ZNF782: variants seen among roughly 807,000 people sequenced by gnomAD.
The protein encoded by ZNF782 is zinc finger protein 782.
ZNF782 carries 12 observed loss-of-function variants against 13.0 expected under a neutral mutation model. The observed-to-expected ratio is 0.92, with a 90% confidence interval of 0.59 to 1.50. The LOEUF (loss-of-function observed/expected upper bound fraction) is 1.50. Among genes scored for constraint, ZNF782 ranks in the 40% most tolerant of loss-of-function variants. The pLI is 0.00. For missense variants in ZNF782, 770 were observed against 822.9 expected (o/e 0.94, Z 0.79); for synonymous variants, 284 against 283.0 (o/e 1.00, Z -0.04).
chr9:96,856,905 C>T (rs556454861), upstream of ZNF782, among the ~76,000 whole-genome samples: 3 of 152,178 alleles, frequency 2.0e-5, no homozygotes, highest in Non-Finnish European at 2.9e-5. Flanking sequence ...TCTTTATACA[C>T]GTGCATTCCT....
chr9:96,896,001 C>T, the ZNF782 span: 87 of 152,300 alleles, frequency 5.7e-4, no homozygotes, highest in Middle Eastern at 3.4e-3. Context: ...AGAGGTGGTA[C>T]TTTTTATCAC....
the ZNF782 span, among the ~76,000 whole-genome samples, chr9:96,917,928 GTAGATGGGGGTC>G: frequency 2.0e-5 from 3 of 149,782 alleles, no homozygotes; most frequent in Admixed American, 6.7e-5. Context: ...GTGTGTGTGT[GTAGATGGGGGTC>G]TGTGTTGCCC....
chr9:96,921,750 G>A, the ZNF782 span, among the ~76,000 whole-genome samples: 2 of 148,604 alleles, frequency 1.3e-5, no homozygotes, highest in Non-Finnish European at 3.0e-5. Context: ...TTGGAGTGCA[G>A]TGGCACAATC....
chr9:96,824,172 C>T (rs1192419663), intron 5 of ZNF782, among the ~76,000 whole-genome samples: 22 of 149,768 alleles, frequency 1.5e-4, no homozygotes, highest in South Asian at 6.5e-4. Context: ...ACTGGCAAAC[C>T]GAATCCAGCA....
the ZNF782 span, among the ~76,000 whole-genome samples, chr9:96,917,729 C>T: frequency 3.3e-5 from 5 of 151,586 alleles, no homozygotes; most frequent in Admixed American, 2.0e-4. Context: ...CGTGCCCGAC[C>T]AGAAATTTTT....
At chr9:96,927,566 C>T in the ZNF782 span, among the ~76,000 whole-genome samples, 4 of 152,156 alleles carry the variant, frequency 2.6e-5, no homozygotes, top group Non-Finnish European at 5.9e-5. Flanking sequence ...AGTTTGCACT[C>T]TCACAGTGGA....
At chr9:96,906,080 G>A in the ZNF782 span, among the ~76,000 whole-genome samples, 1 of 152,242 alleles carries the variant, frequency 6.6e-6, no homozygotes, top group African/African-American at 2.4e-5. Flanking sequence ...TAGCCACTAA[G>A]GTAAACAGTA....
chr9:96,925,400 G>T, the ZNF782 span, among the ~76,000 whole-genome samples: 6 of 152,152 alleles, frequency 3.9e-5, no homozygotes, highest in Non-Finnish European at 5.9e-5. Context: ...CACTTTTGGA[G>T]GCCGAGGCGG....
chr9:96,867,303 G>T (rs773439071), intron 1 of ZNF782, among the ~76,000 whole-genome samples: 3 of 152,132 alleles, frequency 2.0e-5, no homozygotes, highest in Non-Finnish European at 4.4e-5. Flanking sequence ...AGATCTGACA[G>T]TATTATAAGG....
chr9:96,919,888 T>C, the ZNF782 span, among the ~76,000 whole-genome samples: 15 of 151,590 alleles, frequency 9.9e-5, no homozygotes, highest in African/African-American at 3.6e-4. Context: ...AGTGAAACCA[T>C]TCAAGTTTAG....
exon 1 of ZNF782, chr9:96,875,474 T>G (rs749326987): frequency 6.6e-6 from 3 of 456,704 alleles, no homozygotes; most frequent in East Asian, 7.0e-5. Context: ...TTACAGGTAA[T>G]AAAGCTGGAA....
At chr9:96,874,455 C>T (rs1851868156) in intron 1 of ZNF782, among the ~76,000 whole-genome samples, 1 of 152,162 alleles carries the variant, frequency 6.6e-6, no homozygotes, top group African/African-American at 2.4e-5. Flanking sequence ...GATTTCCACC[C>T]TCTGCCTGCT....
chr9:96,820,004 G>A (rs1268422601), intron 5 of ZNF782, among the ~76,000 whole-genome samples: 1 of 151,716 alleles, frequency 6.6e-6, no homozygotes, highest in African/African-American at 2.4e-5. Context: ...ATACATATTT[G>A]GCATCTTAAA....
At chr9:96,874,374 G>A (rs1851867083) in intron 1 of ZNF782, among the ~76,000 whole-genome samples, 1 of 152,174 alleles carries the variant, frequency 6.6e-6, no homozygotes, top group Non-Finnish European at 1.5e-5. Flanking sequence ...AGTGTCACGT[G>A]GTTATGGACA....
At chr9:96,899,234 G>A in the ZNF782 span, among the ~76,000 whole-genome samples, 18 of 151,512 alleles carry the variant, frequency 1.2e-4, no homozygotes, top group Admixed American at 1.2e-3. Flanking sequence ...CTAGGTGACA[G>A]AGTGAGACTC....
intron 1 of ZNF782, among the ~76,000 whole-genome samples, chr9:96,862,057 CA>C (rs2118862364): frequency 6.6e-6 from 1 of 152,294 alleles, no homozygotes; most frequent in South Asian, 2.1e-4. Flanking sequence ...TACATATACA[CA>C]ATGGAGTACT....
chr9:96,932,652 ATT>A, the ZNF782 span, among the ~76,000 whole-genome samples: 37 of 129,966 alleles, frequency 2.8e-4, no homozygotes, highest in East Asian at 1.1e-3. Context: ...CCAATCCTTA[ATT>A]TTTTTTTTTT....
intron 3 of ZNF782, among the ~76,000 whole-genome samples, chr9:96,851,345 C>A (rs559576082): frequency 3.9e-5 from 6 of 152,098 alleles, no homozygotes; most frequent in Non-Finnish European, 8.8e-5. Context: ...CACAAAAAGT[C>A]TTCGCAAGGT....
intron 1 of ZNF782, among the ~76,000 whole-genome samples, chr9:96,864,237 G>A (rs926084357): frequency 5.9e-5 from 9 of 151,500 alleles, no homozygotes; most frequent in Admixed American, 1.3e-4. Flanking sequence ...AACAAAAACT[G>A]AGAAGATATA....
Sources: gnomAD v4.1 joint callset for allele counts (sites outside exome capture counted in the v4.1 genomes callset) on GRCh38, gnomAD v4.1.1 for gene constraint, MANE v1.5 for transcripts, NCBI Gene and HGNC (gene_info 2026-07-23, HGNC 2026-07-21) for gene names.